The following RIMS1 variants were observed in gnomAD, a reference collection of about 807,000 sequenced individuals.
RIMS1 encodes the protein regulating synaptic membrane exocytosis protein 1.
Under a neutral mutation model 214.1 loss-of-function variants are expected in RIMS1, and 83 were observed. That is an observed-to-expected ratio of 0.39 (90% confidence interval 0.32 to 0.47). The LOEUF (loss-of-function observed/expected upper bound fraction) is 0.47, where lower values mean the gene tolerates loss of function less well. Among genes scored for constraint, RIMS1 ranks in the 20% least tolerant of loss-of-function variants. The pLI is 0.99. For synonymous variants in RIMS1, 793 were observed against 786.8 expected (o/e 1.01, Z -0.13); for missense variants, 2,050 against 2,161.8 (o/e 0.95, Z 1.03).
chr6:72,027,624 C>G (rs1816907359), intron 2 of RIMS1, among the ~76,000 whole-genome samples: 1 of 152,080 alleles, frequency 6.6e-6, no homozygotes, highest in South Asian at 2.1e-4. Context: ...ACTTGACTCT[C>G]TCTTCATTTA....
intron 23 of RIMS1, among the ~76,000 whole-genome samples, chr6:72,281,238 A>T (rs926489107): frequency 6.6e-6 from 1 of 152,160 alleles, no homozygotes; most frequent in Non-Finnish European, 1.5e-5. Context: ...AGGATAAAAG[A>T]GTAGTACCTA....
intron 2 of RIMS1, among the ~76,000 whole-genome samples, chr6:71,985,056 A>C (rs1799545442): frequency 6.6e-6 from 1 of 152,134 alleles, no homozygotes; most frequent in African/African-American, 2.4e-5. Context: ...ATATTCAAAA[A>C]GTTTGCAATC....
At chr6:72,310,135 A>G (rs772460703) in intron 27 of RIMS1, among the ~76,000 whole-genome samples, 2 of 152,110 alleles carry the variant, frequency 1.3e-5, no homozygotes, top group Non-Finnish European at 2.9e-5. Context: ...GGACGAAGCA[A>G]TGAACATTAG....
At chr6:71,941,042 G>T (rs1160911997) in intron 1 of RIMS1, among the ~76,000 whole-genome samples, 1 of 152,054 alleles carries the variant, frequency 6.6e-6, no homozygotes. Context: ...GAACCTTAAG[G>T]CTGGCTTGTT....
At chr6:72,061,000 T>C (rs577081607) in intron 2 of RIMS1, among the ~76,000 whole-genome samples, 1 of 152,338 alleles carries the variant, frequency 6.6e-6, no homozygotes, top group African/African-American at 2.4e-5. Flanking sequence ...CAGATATTGA[T>C]ATTGATATTT....
intron 28 of RIMS1, among the ~76,000 whole-genome samples, chr6:72,319,094 T>C (rs1337290476): frequency 6.6e-6 from 1 of 151,966 alleles, no homozygotes. Context: ...AGAAAAAACA[T>C]GTAGGTGTGA....
chr6:71,910,419 A>G (rs1776534694), intron 1 of RIMS1, among the ~76,000 whole-genome samples: 1 of 152,116 alleles, frequency 6.6e-6, no homozygotes, highest in Non-Finnish European at 1.5e-5. Flanking sequence ...CCTGGGCTGA[A>G]AAGAGGATCT....
At position 72,302,898 on chromosome 6, in the gene RIMS1, TAGG is replaced by T. The variant is rs202220268; in HGVS notation, c.3851-4356_3851-4354del. The stretch of plus-strand genomic sequence containing the variant: ...TATTTCATCTAATGCTTGAAAATAT[TAGG>T]AGGTTTAACAATATATCAATATAAA... On this transcript the variant is annotated intron_variant, in intron 26 of 33. Coordinates refer to ENST00000521978, the MANE Select transcript of RIMS1 (RefSeq NM_014989.7). Among the ~76,000 whole-genome samples, 1,436 of 151,278 alleles carry T rather than the reference TAGG, an allele frequency of 9.5e-3. 23 individuals are homozygous for T. Among genetic ancestry groups the T allele is most frequent in the African/African-American group, 0.033 (1,370 of 41,466 alleles).
At chr6:72,312,412 A>C (rs1321347338) in intron 27 of RIMS1, among the ~76,000 whole-genome samples, 1 of 151,964 alleles carries the variant, frequency 6.6e-6, no homozygotes, top group Admixed American at 6.6e-5. Flanking sequence ...TATTTATTAC[A>C]ATTATAACAT....
At chr6:72,125,249 G>A (rs2039267878) in intron 4 of RIMS1, among the ~76,000 whole-genome samples, 2 of 152,204 alleles carry the variant, frequency 1.3e-5, no homozygotes, top group Admixed American at 6.5e-5. Context: ...CTCAGCTACA[G>A]GTCTCCTGGA....
At chr6:72,068,051 C>A (rs1259839400) in intron 2 of RIMS1, among the ~76,000 whole-genome samples, 1 of 152,146 alleles carries the variant, frequency 6.6e-6, no homozygotes, top group Non-Finnish European at 1.5e-5. Context: ...GAAAGGATGT[C>A]ACTCTTTTGA....
intron 1 of RIMS1, among the ~76,000 whole-genome samples, chr6:71,927,392 CA>C (rs1292416037): frequency 1.3e-5 from 2 of 151,982 alleles, no homozygotes; most frequent in Non-Finnish European, 2.9e-5. Flanking sequence ...ATAATAAACT[CA>C]AACAATGTTG....
chr6:71,922,678 G>A (rs1350951412), intron 1 of RIMS1, among the ~76,000 whole-genome samples: 1 of 152,166 alleles, frequency 6.6e-6, no homozygotes, highest in Non-Finnish European at 1.5e-5. Flanking sequence ...TAAAAAAGGA[G>A]GAGGAAGAAG....
At chr6:72,255,479 T>A (rs1358872507) in intron 16 of RIMS1, among the ~76,000 whole-genome samples, 1 of 152,226 alleles carries the variant, frequency 6.6e-6, no homozygotes. Flanking sequence ...TTTTATTTGA[T>A]GTGTTTACTA....
At chr6:72,383,341 G>T (rs2098526389) in intron 29 of RIMS1, among the ~76,000 whole-genome samples, 1 of 152,016 alleles carries the variant, frequency 6.6e-6, no homozygotes, top group Admixed American at 6.6e-5. Context: ...ATACAGTATT[G>T]GGGCACAAAG....
At chr6:72,306,573 A>G (rs2095190018) in intron 26 of RIMS1, among the ~76,000 whole-genome samples, 1 of 152,220 alleles carries the variant, frequency 6.6e-6, no homozygotes, top group African/African-American at 2.4e-5. Context: ...ATAAAAGCTT[A>G]AAAGTATTCT....
At chr6:71,997,114 G>T (rs1018607967) in intron 2 of RIMS1, among the ~76,000 whole-genome samples, 35 of 152,220 alleles carry the variant, frequency 2.3e-4, no homozygotes, top group Admixed American at 2.0e-4. Flanking sequence ...TGTATAATAT[G>T]AAGTAACTTA....
At chr6:72,001,967 C>G (rs1408873600) in intron 2 of RIMS1, among the ~76,000 whole-genome samples, 1 of 152,038 alleles carries the variant, frequency 6.6e-6, no homozygotes, top group African/African-American at 2.4e-5. Context: ...ATCTTCATAT[C>G]TCTATAATGT....
At position 72,176,070 on chromosome 6, in the gene RIMS1, C is replaced by T. The variant is rs181438087; in HGVS notation, c.472-3505C>T. 3.9e-3 allele frequency among the ~76,000 whole-genome samples: 601 copies of T among 152,238 alleles called. 8 individuals carry two copies. Among genetic ancestry groups the T allele is most frequent in the African/African-American group, 0.014 (564 of 41,540 alleles). ...GTGTTTCAAAAGTCATGTAACTTCA[C>T]GATAGTATTTGAATTGAGTTTGTGT... On this transcript the variant is annotated intron_variant, in intron 4 of 33. Transcript: ENST00000521978.
Sources: allele counts gnomAD v4.1 joint callset (sites outside exome capture counted in the v4.1 genomes callset), GRCh38; gene constraint gnomAD v4.1.1; transcripts MANE v1.5; gene names NCBI Gene and HGNC (gene_info 2026-07-23, HGNC 2026-07-21).